ATAD3B: variants seen among roughly 807,000 people sequenced by gnomAD.
The protein encoded by ATAD3B is ATPase family AAA domain-containing protein 3B.
Under a neutral mutation model 70.2 loss-of-function variants are expected in ATAD3B, and 59 were observed. The ratio of observed to expected loss-of-function variants is 0.84; its 90% confidence interval spans 0.68 to 1.04. ATAD3B has a LOEUF of 1.04. Among genes scored for constraint, ATAD3B ranks in the 50% least tolerant of loss-of-function variants. The pLI is 0.00. For missense variants in ATAD3B, 961 were observed against 913.4 expected (o/e 1.05, Z -0.67); for synonymous variants, 423 against 388.6 (o/e 1.09, Z -1.04).
At chr1:1,477,592 G>GC (rs953341668) in intron 2 of ATAD3B, among the ~76,000 whole-genome samples, 4 of 151,998 alleles carry the variant, frequency 2.6e-5, no homozygotes, top group African/African-American at 9.6e-5. Flanking sequence ...CTGAGGGAGG[G>GC]CCGGTGTTGG....
chr1:1,504,322 C>T, the ATAD3B span, among the ~76,000 whole-genome samples: 1 of 152,072 alleles, frequency 6.6e-6, no homozygotes. Context: ...GCGGGGTTCA[C>T]ATGTTGCCTG....
At position 1,495,511 on chromosome 1, in the gene ATAD3B, G is replaced by T. The variant is rs1445148646; in HGVS notation, c.1641G>T (p.Gly547=). The change falls in exon 16 of 16, where the codon GGG becomes GGT. Residue 547 remains glycine, a synonymous_variant. Coordinates refer to ENST00000673477, the MANE Select transcript of ATAD3B (RefSeq NM_031921.6). Reference sequence around the variant, plus strand: ...CCACGGCATATGCCTCCAAGGACGGGGTCCTCACTGAGGCCATGATGGACG... The same window carrying T: ...CCACGGCATATGCCTCCAAGGACGGTGTCCTCACTGAGGCCATGATGGACG... The part of the protein sequence containing the change: ...WQATAYASKD[G]VLTEAMMDAC... The T allele has an allele frequency of 6.2e-7, 1 of 1,610,220 alleles. No individual in the cohort carries two copies. The highest frequency in any genetic ancestry group is 2.2e-5 in the East Asian group (1 of 44,822).
intron 15 of ATAD3B, among the ~76,000 whole-genome samples, chr1:1,492,974 G>C (rs1314661061): frequency 1.3e-5 from 2 of 151,578 alleles, no homozygotes; most frequent in African/African-American, 4.8e-5. Flanking sequence ...AACCTGGTGT[G>C]GTAGCAGGCA....
intron 1 of ATAD3B, among the ~76,000 whole-genome samples, chr1:1,475,012 A>G (rs1030082454): frequency 1.3e-5 from 2 of 149,094 alleles, no homozygotes; most frequent in African/African-American, 2.5e-5. Flanking sequence ...CGTAGTGATC[A>G]GCCTGCGGCC....
At chr1:1,493,270 C>T (rs1640626130) in intron 15 of ATAD3B, among the ~76,000 whole-genome samples, 1 of 151,900 alleles carries the variant, frequency 6.6e-6, no homozygotes, top group African/African-American at 2.4e-5. Context: ...CTGGCCAGAG[C>T]TTCCAGCGAT....
At chr1:1,493,197 A>G (rs906453772) in intron 15 of ATAD3B, among the ~76,000 whole-genome samples, 1 of 151,936 alleles carries the variant, frequency 6.6e-6, no homozygotes, top group Non-Finnish European at 1.5e-5. Flanking sequence ...GTCACCTGAG[A>G]ACAGGTGATT....
At chr1:1,490,469 G>T (rs768870507) in intron 14 of ATAD3B, 45 bp downstream of exon 14, 1 of 1,611,920 alleles carries the variant, frequency 6.2e-7, no homozygotes, top group South Asian at 1.1e-5. Context: ...GCACCATATG[G>T]CATGGGTGTA....
At chr1:1,501,260 A>G (rs940702493), downstream of ATAD3B, among the ~76,000 whole-genome samples, 2 of 131,282 alleles carry the variant, frequency 1.5e-5, no homozygotes, top group Non-Finnish European at 3.5e-5. Flanking sequence ...TAATTTTTGT[A>G]TTTTTTTTTT....
At chr1:1,473,322 G>A (rs1015125306) in intron 1 of ATAD3B, among the ~76,000 whole-genome samples, 3 of 146,896 alleles carry the variant, frequency 2.0e-5, no homozygotes, top group African/African-American at 5.1e-5. Flanking sequence ...TAGAGATGGG[G>A]TTTCACCGTG....
chr1:1,489,651 C>A lies in ATAD3B; in HGVS notation c.1337+377C>A, dbSNP rs1283927781. Reference sequence around the variant, plus strand: ...CCAGGCTCCCTCTTCCCTCCCAAATCCCTTAATTTTGAGTTTTCTTGGTCT... The same window carrying A: ...CCAGGCTCCCTCTTCCCTCCCAAATACCTTAATTTTGAGTTTTCTTGGTCT... On this transcript the variant is annotated intron_variant, in intron 13 of 15. Coordinates refer to ENST00000673477, the MANE Select transcript of ATAD3B (RefSeq NM_031921.6). 1.0e-5 allele frequency: 14 copies of A among 1,336,412 alleles called. No homozygotes were observed. In the African/African-American group the frequency reaches 2.1e-4, roughly 20 times the overall value. The allele number at this position is 1,336,412 out of a possible 1,614,324, so 82.8% of individuals were successfully genotyped here.
chr1:1,479,462 A>C lies in ATAD3B; in HGVS notation c.444+354A>C, dbSNP rs548089786. 5.7e-4 allele frequency among the ~76,000 whole-genome samples: 79 copies of C among 139,282 alleles called. 6 individuals carry two copies. The South Asian group carries it at 0.018, about 32-fold the overall frequency. 91.4% of individuals were successfully genotyped at this position (139,282 alleles called of 152,430 possible). On this transcript the variant is annotated intron_variant, in intron 4 of 15. Transcript: ENST00000673477. ...TGCACACATGGGGAAACATGGGCCCACACACACACACCCCTGTGCGCACAC... is the reference window on the plus strand; with the variant it reads ...TGCACACATGGGGAAACATGGGCCCCCACACACACACCCCTGTGCGCACAC...
downstream of ATAD3B, among the ~76,000 whole-genome samples, chr1:1,499,125 C>G (rs149434212): frequency 6.6e-6 from 1 of 151,864 alleles, no homozygotes; most frequent in Admixed American, 6.6e-5. Context: ...GTGCCCGCCA[C>G]CACGCCCAGC....
At position 1,495,923 on chromosome 1, in the gene ATAD3B, C is replaced by A. The variant is rs1245161653; in HGVS notation, c.*106C>A. 2.1e-6 allele frequency: 3 copies of A among 1,431,096 alleles called. No homozygotes were observed. In the African/African-American group the frequency reaches 4.3e-5, roughly 20 times the overall value. The allele number at this position is 1,431,096 out of a possible 1,614,324, so 88.6% of individuals were successfully genotyped here. A position where few individuals can be genotyped will look rare whatever the true frequency, so the allele number is the denominator to read the frequency against. On this transcript the variant is annotated 3_prime_UTR_variant, in exon 16 of 16. Coordinates refer to ENST00000673477, the MANE Select transcript of ATAD3B (RefSeq NM_031921.6). ...GGGAGGGTGAGGCTTTGTACCCCAG[C>A]CCCTGCCCAGGCCACTGTGAGGGTG...
At chr1:1,501,889 G>GT (rs1036574127), downstream of ATAD3B, among the ~76,000 whole-genome samples, 6 of 151,266 alleles carry the variant, frequency 4.0e-5, no homozygotes, top group African/African-American at 7.3e-5. Flanking sequence ...TGTTTTGTTT[G>GT]TTTTTTTTGA....
At chr1:1,506,192 G>T in the ATAD3B span, among the ~76,000 whole-genome samples, 1 of 152,218 alleles carries the variant, frequency 6.6e-6, no homozygotes, top group South Asian at 2.1e-4. Flanking sequence ...CTGAGATCGT[G>T]TCACTGTCTT....
At position 1,480,907 on chromosome 1, in the gene ATAD3B, C is replaced by G; in HGVS notation, c.485C>G (p.Ser162Cys). ...GAGAATTTACGGAAGCAGGAGGAGTCCGTGCAGAAGCAGGAAGCCATGCGG... is the reference window on the plus strand; with the variant it reads ...GAGAATTTACGGAAGCAGGAGGAGTGCGTGCAGAAGCAGGAAGCCATGCGG... ...NEENLRKQEE[S>C]VQKQEAMRRA... The change falls in exon 5 of 16, where the codon TCC becomes TGC. Residue 162 changes from serine (S) to cysteine (C), a missense_variant. This residue lies in a region of ATAD3B where 187 missense variants were observed against 244.3 expected (regional missense o/e 0.77). Coordinates refer to ENST00000673477, the MANE Select transcript of ATAD3B (RefSeq NM_031921.6). 6.3e-7 allele frequency: 1 copy of G among 1,593,414 alleles called. No homozygotes were observed. Among genetic ancestry groups the G allele is most frequent in the Non-Finnish European group, 8.5e-7 (1 of 1,171,848 alleles).
downstream of ATAD3B, among the ~76,000 whole-genome samples, chr1:1,498,139 A>G (rs1365442610): frequency 6.6e-6 from 1 of 150,500 alleles, no homozygotes; most frequent in Non-Finnish European, 1.5e-5. Context: ...CCCCATCTCT[A>G]TTAAAAATAC....
chr1:1,502,763 C>T (rs1280312437), downstream of ATAD3B, among the ~76,000 whole-genome samples: 1 of 151,400 alleles, frequency 6.6e-6, no homozygotes, highest in East Asian at 2.0e-4. Context: ...CCACCCGCCT[C>T]GGCCTCCCAA....
chr1:1,479,994 G>A (rs1307877519), intron 4 of ATAD3B, among the ~76,000 whole-genome samples: 5 of 136,562 alleles, frequency 3.7e-5, no homozygotes, highest in Admixed American at 7.4e-5. Flanking sequence ...ATGGACACAC[G>A]CACACCCCCT....
Sources: gnomAD v4.1 joint callset for allele counts (sites outside exome capture counted in the v4.1 genomes callset) on GRCh38, gnomAD v4.1.1 for gene constraint, gnomAD v4.1.1 regional missense constraint, MANE v1.5 for transcripts, NCBI Gene and HGNC (gene_info 2026-07-23, HGNC 2026-07-21) for gene names.